The following EIF4G3 variants were observed in gnomAD, a reference collection of about 807,000 sequenced individuals.
EIF4G3 encodes the protein eIF-4-gamma 3.
A neutral mutation model predicts 186.4 loss-of-function variants in EIF4G3; 34 were observed. That is an observed-to-expected ratio of 0.18 (90% CI 0.14 to 0.24). EIF4G3 has a LOEUF of 0.24. Among genes scored for constraint, EIF4G3 ranks in the 10% least tolerant of loss-of-function variants. The pLI is 1.00. For synonymous variants in EIF4G3, 673 were observed against 679.5 expected (o/e 0.99, Z 0.15); for missense variants, 1,536 against 1,948.5 (o/e 0.79, Z 3.99).
chr1:21,123,095 T>C (rs1467326208), intron 2 of EIF4G3, among the ~76,000 whole-genome samples: 1 of 152,138 alleles, frequency 6.6e-6, no homozygotes, highest in Non-Finnish European at 1.5e-5. Context: ...TGGTAAATTA[T>C]CAAAATATTT....
chr1:21,123,785 TATAA>T (rs1276933968), intron 2 of EIF4G3, among the ~76,000 whole-genome samples: 45 of 152,108 alleles, frequency 3.0e-4, no homozygotes, highest in Non-Finnish European at 7.4e-5. Context: ...ACATAGGTCC[TATAA>T]AAAATACACA....
At chr1:21,106,632 A>C (rs939731799) in intron 2 of EIF4G3, among the ~76,000 whole-genome samples, 1 of 152,200 alleles carries the variant, frequency 6.6e-6, no homozygotes, top group Admixed American at 6.5e-5. Flanking sequence ...TAAATACACA[A>C]AGTGAATATA....
chr1:21,082,018 C>A (rs891064960), intron 3 of EIF4G3, among the ~76,000 whole-genome samples: 1 of 151,274 alleles, frequency 6.6e-6, no homozygotes, highest in Non-Finnish European at 1.5e-5. Context: ...GTCTCAAACT[C>A]CTGAGCTCAA....
chr1:20,981,327 C>T (rs896884915), intron 8 of EIF4G3, 100 bp from the exon 9 acceptor site: 1 of 834,042 alleles, frequency 1.2e-6, no homozygotes, highest in African/African-American at 1.7e-5. Flanking sequence ...ATCTGGTCAA[C>T]TTGAATTACA....
chr1:21,023,249 TCCCCCC>T (rs1203366448), intron 4 of EIF4G3, among the ~76,000 whole-genome samples: 1 of 22,308 alleles, frequency 4.5e-5, no homozygotes, highest in Non-Finnish European at 8.6e-5. Flanking sequence ...CCCCTCCCCC[TCCCCCC>T]CTCCCCCTCC....
intron 2 of EIF4G3, among the ~76,000 whole-genome samples, chr1:21,114,259 G>A (rs1016091698): frequency 2.0e-5 from 3 of 151,402 alleles, no homozygotes; most frequent in African/African-American, 7.3e-5. Context: ...CCATTCTCCT[G>A]CCTCAGCCTC....
intron 4 of EIF4G3, among the ~76,000 whole-genome samples, chr1:21,027,718 T>C (rs781431373): frequency 1.3e-5 from 2 of 152,184 alleles, no homozygotes; most frequent in African/African-American, 4.8e-5. Flanking sequence ...ACAGCCATTG[T>C]GGAAAACAGT....
intron 20 of EIF4G3, among the ~76,000 whole-genome samples, chr1:20,875,112 GGGACTACAGGT>G (rs1227990652): frequency 6.1e-5 from 1 of 16,374 alleles, no homozygotes; most frequent in African/African-American, 7.1e-5. Flanking sequence ...CCTAGTAGCT[GGGACTACAGGT>G]GGACTACTAT....
intron 16 of EIF4G3, 45 bp from the exon 17 acceptor site, chr1:20,895,546 T>C: frequency 6.3e-7 from 1 of 1,595,550 alleles, no homozygotes; most frequent in Non-Finnish European, 8.6e-7. Context: ...GGGCATTATA[T>C]ACAGTCATGC....
intron 4 of EIF4G3, 28 bp from the exon 5 acceptor site, chr1:21,002,836 A>G: frequency 7.4e-7 from 1 of 1,346,004 alleles, no homozygotes. Flanking sequence ...GAACAATATA[A>G]TATTTTGAAA....
chr1:21,126,908 T>C (rs1161669102), intron 2 of EIF4G3, among the ~76,000 whole-genome samples: 1 of 152,216 alleles, frequency 6.6e-6, no homozygotes, highest in East Asian at 1.9e-4. Flanking sequence ...CATCTCTAGA[T>C]TATTTATACA....
chr1:20,886,232 T>G lies in EIF4G3; in HGVS notation c.2393A>C (p.Gln798Pro). ...AWKPSQKRDS[Q>P]ADDPENIKTQ... ...TTTAATGTTTTCGGGATCATCGGCTTGGCTGTCTCGTTTTTGGCTTGGCTT... is the reference window on the plus strand; with the variant it reads ...TTTAATGTTTTCGGGATCATCGGCTGGGCTGTCTCGTTTTTGGCTTGGCTT... Residue 798 changes from glutamine to proline, a missense_variant, in exon 19 of 37, where the codon CAA becomes CCA. This residue lies in a region of EIF4G3 where 139 missense variants were observed against 192.8 expected (regional missense o/e 0.72). Coordinates refer to ENST00000602326, the MANE Select transcript of EIF4G3 (RefSeq NM_001391906.1). 1 of 1,614,002 alleles carries G rather than the reference T, an allele frequency of 6.2e-7. No individual in the cohort carries two copies. The highest frequency in any genetic ancestry group is 8.5e-7 in the Non-Finnish European group (1 of 1,179,942).
chr1:20,905,252 T>C (rs2091732664), intron 14 of EIF4G3, among the ~76,000 whole-genome samples: 1 of 152,160 alleles, frequency 6.6e-6, no homozygotes, highest in African/African-American at 2.4e-5. Flanking sequence ...GATGAGTACA[T>C]ACATAAGAAA....
chr1:21,011,473 G>A (rs1277947176), intron 4 of EIF4G3, among the ~76,000 whole-genome samples: 7 of 152,064 alleles, frequency 4.6e-5, no homozygotes, highest in Admixed American at 3.9e-4. Context: ...AAACCACATC[G>A]ATACAATCCA....
At chr1:20,878,354 T>C (rs1301422416) in intron 20 of EIF4G3, among the ~76,000 whole-genome samples, 1 of 152,232 alleles carries the variant, frequency 6.6e-6, no homozygotes, top group Non-Finnish European at 1.5e-5. Context: ...ACCAACATAG[T>C]GTTTTCTTTT....
At chr1:20,921,429 C>T (rs1294495619) in intron 14 of EIF4G3, among the ~76,000 whole-genome samples, 1 of 152,200 alleles carries the variant, frequency 6.6e-6, no homozygotes, top group African/African-American at 2.4e-5. Context: ...GCTTAACCAA[C>T]AGTGTGCCTC....
chr1:21,051,455 G>C (rs191140753), intron 3 of EIF4G3, among the ~76,000 whole-genome samples: 1 of 152,144 alleles, frequency 6.6e-6, no homozygotes, highest in East Asian at 1.9e-4. Flanking sequence ...ACTTATGGAC[G>C]TATACACTAA....
At chr1:21,080,356 T>A (rs967143029) in intron 3 of EIF4G3, among the ~76,000 whole-genome samples, 3 of 151,402 alleles carry the variant, frequency 2.0e-5, no homozygotes, top group Non-Finnish European at 2.9e-5. Context: ...AAATAAATTT[T>A]ATGGCATTGA....
At chr1:21,032,309 A>G (rs937387203) in intron 4 of EIF4G3, among the ~76,000 whole-genome samples, 21 of 152,192 alleles carry the variant, frequency 1.4e-4, no homozygotes, top group Admixed American at 1.1e-3. Flanking sequence ...AGAACTATTC[A>G]TTCCTCATGA....
Sources: allele counts gnomAD v4.1 joint callset (sites outside exome capture counted in the v4.1 genomes callset), GRCh38; gene constraint gnomAD v4.1.1; regional missense constraint gnomAD v4.1.1; transcripts MANE v1.5; gene names NCBI Gene and HGNC (gene_info 2026-07-23, HGNC 2026-07-21).